The following ZNF846 variants were observed in gnomAD, a reference collection of about 807,000 sequenced individuals.
ZNF846 encodes the protein zinc finger protein 846, also known as zinc finger protein 420 pseudogene.
Under a neutral mutation model 16.0 loss-of-function variants are expected in ZNF846, and 15 were observed. That is an observed-to-expected ratio of 0.94 (90% CI 0.63 to 1.45). ZNF846 has a LOEUF of 1.45. ZNF846 is among the 40% of genes most tolerant of loss of function. The probability of loss-of-function intolerance (pLI) is 0.00; values close to 1 mark genes in which losing one functional copy is unlikely to be tolerated. For synonymous variants in ZNF846, 229 were observed against 212.0 expected (o/e 1.08, Z -0.70); for missense variants, 714 against 622.3 (o/e 1.15, Z -1.57).
chr19:9,767,130 T>TTTTA (rs754500060), intron 1 of ZNF846, among the ~76,000 whole-genome samples: 48 of 151,294 alleles, frequency 3.2e-4, no homozygotes, highest in East Asian at 1.4e-3. Context: ...CCCGGCCTAG[T>TTTTA]TTTATTTATT....
At chr19:9,753,993 T>C (rs74926190), downstream of ZNF846, among the ~76,000 whole-genome samples, 3 of 151,680 alleles carry the variant, frequency 2.0e-5, no homozygotes, top group Non-Finnish European at 4.4e-5. Context: ...GGTCTCCAAT[T>C]GTTATGCAGA....
upstream of ZNF846, among the ~76,000 whole-genome samples, chr19:9,769,223 C>A (rs557229844): frequency 2.7e-3 from 406 of 152,088 alleles, no homozygotes; most frequent in Non-Finnish European, 3.1e-3. Flanking sequence ...TAGCTTGGAC[C>A]ACAGTTGGGC....
chr19:9,771,560 C>T (rs1236671903), upstream of ZNF846, among the ~76,000 whole-genome samples: 1 of 152,174 alleles, frequency 6.6e-6, no homozygotes, highest in African/African-American at 2.4e-5. Flanking sequence ...TATGGTTTTC[C>T]ATTCCTGAGT....
intron 4 of ZNF846, among the ~76,000 whole-genome samples, chr19:9,760,980 T>A (rs1268126640): frequency 6.6e-6 from 1 of 151,410 alleles, no homozygotes; most frequent in Non-Finnish European, 1.5e-5. Flanking sequence ...GGTGGGTCAC[T>A]TGAGGTCAGG....
intron 1 of ZNF846, among the ~76,000 whole-genome samples, chr19:9,776,048 G>C (rs1450174085): frequency 6.6e-6 from 1 of 152,234 alleles, no homozygotes; most frequent in Non-Finnish European, 1.5e-5. Context: ...CTTCTGTTAT[G>C]CCCAGACAGG....
At chr19:9,762,224 T>C in intron 3 of ZNF846, 56 bp from the exon 4 acceptor site, 1 of 1,351,384 alleles carries the variant, frequency 7.4e-7, no homozygotes, top group African/African-American at 1.4e-5. Flanking sequence ...CACCATGTCC[T>C]TCAATGGGGA....
At chr19:9,754,135 C>G (rs532080756), downstream of ZNF846, among the ~76,000 whole-genome samples, 36 of 151,766 alleles carry the variant, frequency 2.4e-4, 3 homozygotes, top group African/African-American at 8.8e-4. Flanking sequence ...CATTCACTCT[C>G]TCTTCTATCA....
chr19:9,777,625 C>T (rs1403435493), intron 1 of ZNF846, among the ~76,000 whole-genome samples: 3 of 150,522 alleles, frequency 2.0e-5, no homozygotes, highest in African/African-American at 4.9e-5. Flanking sequence ...GAGCCCAGAT[C>T]GTGCCACTGC....
At chr19:9,758,081 G>A (rs762517544) in exon 6 of ZNF846, 55 of 1,613,508 alleles carry the variant, frequency 3.4e-5, no homozygotes, top group Non-Finnish European at 4.6e-5. Context: ...TTTCTCCAGT[G>A]TGAATTCGCA....
intron 2 of ZNF846, 59 bp from the exon 3 acceptor site, chr19:9,763,467 A>G: frequency 6.7e-7 from 1 of 1,502,962 alleles, no homozygotes; most frequent in Non-Finnish European, 8.9e-7. Flanking sequence ...ATGTTCTGAG[A>G]AAAATGCATG....
chr19:9,775,176 T>C (rs1431445148), intron 1 of ZNF846, among the ~76,000 whole-genome samples: 1 of 144,376 alleles, frequency 6.9e-6, no homozygotes, highest in African/African-American at 2.8e-5. Context: ...TATATATACA[T>C]ATATATGTGT....
chr19:9,752,877 C>T (rs1343631095), downstream of ZNF846, among the ~76,000 whole-genome samples: 1 of 152,084 alleles, frequency 6.6e-6, no homozygotes, highest in Non-Finnish European at 1.5e-5. Context: ...TCACTACTTT[C>T]ACTGTATCTG....
downstream of ZNF846, among the ~76,000 whole-genome samples, chr19:9,750,604 T>G (rs1378162319): frequency 1.3e-5 from 2 of 152,190 alleles, no homozygotes; most frequent in Non-Finnish European, 2.9e-5. Context: ...AAATCCAGTT[T>G]GCAAATGGGA....
chr19:9,769,241 G>T (rs1249857207), upstream of ZNF846, among the ~76,000 whole-genome samples: 1 of 151,536 alleles, frequency 6.6e-6, no homozygotes, highest in Non-Finnish European at 1.5e-5. Context: ...GGCCCATCAC[G>T]CCCAGCTAAG....
Position 9,763,411 on chromosome 19 carries a change from A to C in ZNF846, c.16-3T>G. On this transcript the variant is annotated splice_region_variant and splice_polypyrimidine_tract_variant and intron_variant, in intron 2 of 5. Transcript: ENST00000397902. ...ACATCCTCAAAGGTCACTAAGTGCT[A>C]AACCATTAAATACATGCCAGCTTCA... 1.9e-6 allele frequency: 3 copies of C among 1,595,370 alleles called. No homozygotes were observed. Among genetic ancestry groups the C allele is most frequent in the African/African-American group, 2.7e-5 (2 of 74,092 alleles).
chr19:9,781,106 C>A (rs534798764), intron 1 of ZNF846, among the ~76,000 whole-genome samples: 1 of 152,116 alleles, frequency 6.6e-6, no homozygotes, highest in Non-Finnish European at 1.5e-5. Context: ...AACCTTGCCT[C>A]CTCTGGAGAA....
chr19:9,761,638 G>C (rs2045230729), intron 4 of ZNF846, among the ~76,000 whole-genome samples: 1 of 151,686 alleles, frequency 6.6e-6, no homozygotes, highest in Non-Finnish European at 1.5e-5. Flanking sequence ...TTGAACCCAG[G>C]AGGTGGAGGT....
intron 1 of ZNF846, among the ~76,000 whole-genome samples, chr19:9,784,827 AACAAAGC>A (rs1429307541): frequency 1.3e-5 from 2 of 152,128 alleles, no homozygotes; most frequent in Non-Finnish European, 2.9e-5. Context: ...ACACATTTTT[AACAAAGC>A]ACATCCTGCA....
chr19:9,751,042 G>A (rs1156818764), downstream of ZNF846, among the ~76,000 whole-genome samples: 1 of 152,048 alleles, frequency 6.6e-6, no homozygotes, highest in African/African-American at 2.4e-5. Flanking sequence ...GGACCCACCT[G>A]GCCACTCTCT....
Sources: allele counts gnomAD v4.1 joint callset (sites outside exome capture counted in the v4.1 genomes callset), GRCh38; gene constraint gnomAD v4.1.1; transcripts MANE v1.5; gene names NCBI Gene and HGNC (gene_info 2026-07-23, HGNC 2026-07-21).